Variants in ERC2 observed in about 807,000 individuals in gnomAD.
ERC2 encodes the protein ELKS/RAB6-interacting/CAST family member 2.
A neutral mutation model predicts 114.8 loss-of-function variants in ERC2; 42 were observed. The ratio of observed to expected loss-of-function variants is 0.37; its 90% CI spans 0.29 to 0.47. The LOEUF (loss-of-function observed/expected upper bound fraction) is 0.47. ERC2 is among the 20% of genes least tolerant of loss of function. The probability of loss-of-function intolerance (pLI) is 0.99; values close to 1 mark genes in which losing one functional copy is unlikely to be tolerated. For synonymous variants in ERC2, 454 were observed against 425.5 expected (o/e 1.07, Z -0.82); for missense variants, 939 against 1,150.7 (o/e 0.82, Z 2.66).
intron 14 of ERC2, among the ~76,000 whole-genome samples, chr3:55,735,407 C>T (rs1428773412): frequency 6.6e-6 from 1 of 152,086 alleles, no homozygotes; most frequent in Non-Finnish European, 1.5e-5. Context: ...ACTAACATGG[C>T]AAGAAAAGTA....
intron 3 of ERC2, among the ~76,000 whole-genome samples, chr3:56,228,015 A>C (rs915982011): frequency 2.0e-5 from 3 of 152,192 alleles, no homozygotes; most frequent in Non-Finnish European, 2.9e-5. Context: ...GAAGTCAAAC[A>C]CAAAAGTAGA....
rs763249302 is a variant in ERC2 at position 55,592,982 on chromosome 3, C to T, written c.*40-81706G>A. ...TTTTTTTCCTATGTCCTTCTATTCA[C>T]TCATTCAAATAAATTCTATGAGCAC... On this transcript the variant is annotated intron_variant, in intron 17 of 17. Coordinates refer to ENST00000288221, the MANE Select transcript of ERC2 (RefSeq NM_015576.3). Among the ~76,000 whole-genome samples, 6 of 152,212 alleles carry T rather than the reference C, an allele frequency of 3.9e-5. No homozygotes were observed. The South Asian group carries it at 6.2e-4, about 16-fold the overall frequency.
intron 17 of ERC2, among the ~76,000 whole-genome samples, chr3:55,640,779 G>A (rs985016553): frequency 2.0e-5 from 3 of 152,030 alleles, no homozygotes; most frequent in Non-Finnish European, 4.4e-5. Context: ...GTCCCTGCAG[G>A]TCTTCAACAA....
intron 17 of ERC2, among the ~76,000 whole-genome samples, chr3:55,516,990 G>A (rs749512610): frequency 5.9e-5 from 9 of 152,166 alleles, no homozygotes; most frequent in Non-Finnish European, 1.3e-4. Flanking sequence ...GGCCTCATTT[G>A]AATCCAGGTC....
chr3:56,391,393 T>C (rs547252828), intron 2 of ERC2, among the ~76,000 whole-genome samples: 139 of 152,328 alleles, frequency 9.1e-4, no homozygotes, highest in African/African-American at 3.3e-3. Flanking sequence ...CCTAGAACTT[T>C]ATAGTTTATC....
chr3:56,107,685 AT>A (rs2149819610), intron 6 of ERC2, among the ~76,000 whole-genome samples: 1 of 152,350 alleles, frequency 6.6e-6, no homozygotes, highest in African/African-American at 2.4e-5. Flanking sequence ...TAAATAAAAT[AT>A]AATAAAACAG....
rs1001696782 is a variant in ERC2 at position 56,361,455 on chromosome 3, G to A, written c.658-65020C>T. Among the ~76,000 whole-genome samples, 10 of 152,262 alleles carry A rather than the reference G, an allele frequency of 6.6e-5. 1 individual carries two copies. Among genetic ancestry groups the A allele is most frequent in the South Asian group, 6.2e-4 (3 of 4,824 alleles). ...AAACATACATAAAGTAAGAAAAAGC[G>A]AGAGAAAATTTCAAAAGTGAAAATG... is the stretch of plus-strand genomic sequence containing the variant. On this transcript the variant is annotated intron_variant, in intron 2 of 17. Coordinates refer to ENST00000288221, the MANE Select transcript of ERC2 (RefSeq NM_015576.3).
At position 55,743,793 on chromosome 3, in the gene ERC2, T is replaced by C. The variant is rs543649151; in HGVS notation, c.2565-8875A>G. Among the ~76,000 whole-genome samples the C allele has an allele frequency of 2.0e-5, 3 of 152,146 alleles. No homozygotes were observed. The East Asian group carries it at 5.8e-4, about 29-fold the overall frequency. On this transcript the variant is annotated intron_variant, in intron 14 of 17. Coordinates refer to ENST00000288221, the MANE Select transcript of ERC2 (RefSeq NM_015576.3). Reference sequence around the variant, plus strand: ...TGAGTTTGAATCTCAGGGATAACCTTTTGACTGTGGCCCTGGGTAAGTTAC... The same window carrying C: ...TGAGTTTGAATCTCAGGGATAACCTCTTGACTGTGGCCCTGGGTAAGTTAC...
chr3:56,153,393 A>G (rs1002106071), intron 4 of ERC2, among the ~76,000 whole-genome samples: 2 of 152,134 alleles, frequency 1.3e-5, no homozygotes, highest in African/African-American at 4.8e-5. Context: ...ATTGAATCCA[A>G]ATCCATATTT....
At chr3:55,668,771 C>T (rs900454612) in intron 17 of ERC2, among the ~76,000 whole-genome samples, 1 of 152,156 alleles carries the variant, frequency 6.6e-6, no homozygotes, top group African/African-American at 2.4e-5. Context: ...CCTGTGCTAA[C>T]CTCCAGAGTC....
At chr3:56,355,968 A>G (rs115684205) in intron 2 of ERC2, among the ~76,000 whole-genome samples, 2 of 152,146 alleles carry the variant, frequency 1.3e-5, no homozygotes, top group Non-Finnish European at 2.9e-5. Flanking sequence ...ATTACACCCA[A>G]TTAGTGAGAC....
At chr3:56,318,820 T>C (rs763311799) in intron 2 of ERC2, among the ~76,000 whole-genome samples, 14 of 151,522 alleles carry the variant, frequency 9.2e-5, no homozygotes, top group Admixed American at 2.0e-4. Flanking sequence ...GATGCAGTGG[T>C]TCGTGCCTAT....
rs1226191407 is a variant in ERC2 at position 56,171,973 on chromosome 3, AAAAACAAAAAAC to A, written c.1149+1461_1149+1472del. On this transcript the variant is annotated intron_variant, in intron 4 of 17. Coordinates refer to ENST00000288221, the MANE Select transcript of ERC2 (RefSeq NM_015576.3). ...GAAGGGGGACTGAGTCACCCTTTGC[AAAAACAAAAAAC>A]AAAAAAAAAAACAAGTCTTTTGTCC... Among the ~76,000 whole-genome samples the A allele has an allele frequency of 5.8e-4, 82 of 140,644 alleles. 1 individual carries two copies. Among genetic ancestry groups the A allele is most frequent in the African/African-American group, 1.4e-3 (54 of 38,336 alleles). 92.3% of individuals were successfully genotyped at this position (140,644 alleles called of 152,430 possible). A position where few individuals can be genotyped will look rare whatever the true frequency, so the allele number is the denominator to read the frequency against.
chr3:55,723,185 T>G lies in ERC2; in HGVS notation c.2712+11586A>C, dbSNP rs2064688636. Reference sequence around the variant, plus strand: ...GGGAAAATGCACAAAATATTAAATGTTTAAAAGGCTAAACAAACTTTATTA... The same window carrying G: ...GGGAAAATGCACAAAATATTAAATGGTTAAAAGGCTAAACAAACTTTATTA... On this transcript the variant is annotated intron_variant, in intron 15 of 17. Coordinates refer to ENST00000288221, the MANE Select transcript of ERC2 (RefSeq NM_015576.3). Among the ~76,000 whole-genome samples the G allele has an allele frequency of 1.3e-5, 2 of 152,188 alleles. 1 individual carries two copies. The highest frequency in any genetic ancestry group is 4.1e-4 in the South Asian group (2 of 4,832).
chr3:55,652,590 T>C (rs2060673328), intron 17 of ERC2, among the ~76,000 whole-genome samples: 1 of 152,082 alleles, frequency 6.6e-6, no homozygotes, highest in African/African-American at 2.4e-5. Context: ...GAAGTGCACG[T>C]TGGCCGGGTG....
chr3:56,256,550 AT>A lies in ERC2; in HGVS notation c.1074+39468del, dbSNP rs547404735. Among the ~76,000 whole-genome samples, 536 of 146,320 alleles carry A rather than the reference AT, an allele frequency of 3.7e-3. 3 individuals carry two copies. Among genetic ancestry groups the A allele is most frequent in the African/African-American group, 7.5e-3 (301 of 40,300 alleles). On this transcript the variant is annotated intron_variant, in intron 3 of 17. Coordinates refer to ENST00000288221, the MANE Select transcript of ERC2 (RefSeq NM_015576.3). ...GTAACCAGTGACTTAATTTCCAGGAATTTTTTTTTTTTTATGGGAGGCAGCC... is the reference window on the plus strand; with the variant it reads ...GTAACCAGTGACTTAATTTCCAGGAATTTTTTTTTTTTATGGGAGGCAGCC...
At chr3:55,713,129 T>TCACACA (rs1491444178) in intron 15 of ERC2, among the ~76,000 whole-genome samples, 10 of 74,616 alleles carry the variant, frequency 1.3e-4, no homozygotes, top group African/African-American at 2.2e-4. Context: ...TCTCTCTCTG[T>TCACACA]CTCACACACA....
intron 7 of ERC2, among the ~76,000 whole-genome samples, chr3:56,049,818 A>ATGTGTGTGTGTGTGTGTGTGTG (rs3052672): frequency 2.1e-5 from 3 of 145,320 alleles, no homozygotes; most frequent in African/African-American, 7.7e-5. Flanking sequence ...CCCATCATAT[A>ATGTGTGTGTGTGTGTGTGTGTG]TGTGTGTGTG....
intron 14 of ERC2, among the ~76,000 whole-genome samples, chr3:55,853,071 G>A (rs887987905): frequency 6.6e-6 from 1 of 152,110 alleles, no homozygotes; most frequent in Non-Finnish European, 1.5e-5. Flanking sequence ...AATATTCCTG[G>A]GTCAGGGTTG....
Sources: gnomAD v4.1 joint callset for allele counts (sites outside exome capture counted in the v4.1 genomes callset) on GRCh38, gnomAD v4.1.1 for gene constraint, MANE v1.5 for transcripts, NCBI Gene and HGNC (gene_info 2026-07-23, HGNC 2026-07-21) for gene names.